ITSN2: variants seen among roughly 807,000 people sequenced by gnomAD.
ITSN2 encodes the protein intersectin-2.
A neutral mutation model predicts 243.7 loss-of-function variants in ITSN2; 156 were observed. The ratio of observed to expected loss-of-function variants is 0.64; its 90% CI spans 0.56 to 0.73. The LOEUF (loss-of-function observed/expected upper bound fraction) is 0.73, where lower values mean the gene tolerates loss of function less well. Ranked by LOEUF, ITSN2 falls within the 30% of genes least tolerant of loss-of-function variation. ITSN2 has a pLI of 0.00. For synonymous variants in ITSN2, 703 were observed against 699.9 expected (o/e 1.00, Z -0.07); for missense variants, 1,801 against 1,996.1 (o/e 0.90, Z 1.86).
At chr2:24,231,843 CTGTG>C (rs1275397898) in intron 29 of ITSN2, among the ~76,000 whole-genome samples, 1 of 152,334 alleles carries the variant, frequency 6.6e-6, no homozygotes, top group East Asian at 1.9e-4. Context: ...ATGCTATTCT[CTGTG>C]TGCCCACTTA....
chr2:24,298,885 A>G, intron 12 of ITSN2, 71 bp from the exon 13 acceptor site: 1 of 1,454,298 alleles, frequency 6.9e-7, no homozygotes, highest in African/African-American at 1.4e-5. Flanking sequence ...CTGGGAAGAC[A>G]ACAATAAAAG....
chr2:24,298,448 C>A (rs945269433), intron 13 of ITSN2, among the ~76,000 whole-genome samples: 2 of 151,950 alleles, frequency 1.3e-5, no homozygotes, highest in Admixed American at 6.6e-5. Flanking sequence ...CCACCATGCC[C>A]AGCCCACAGC....
intron 20 of ITSN2, among the ~76,000 whole-genome samples, chr2:24,264,429 G>GCTTC (rs143813059): frequency 3.6e-4 from 2 of 5,540 alleles, no homozygotes; most frequent in African/African-American, 1.2e-3. Flanking sequence ...CTATTTATTA[G>GCTTC]ATTGTCATAG....
At chr2:24,341,819 C>T (rs1413236820) in intron 1 of ITSN2, among the ~76,000 whole-genome samples, 1 of 151,918 alleles carries the variant, frequency 6.6e-6, no homozygotes, top group African/African-American at 2.4e-5. Context: ...GCACCACTGC[C>T]CTCCAGCCTG....
chr2:24,349,756 C>T (rs1300788105), intron 1 of ITSN2, among the ~76,000 whole-genome samples: 1 of 152,156 alleles, frequency 6.6e-6, no homozygotes, highest in East Asian at 1.9e-4. Context: ...CTACCTCCTC[C>T]CATTTTCTAG....
At chr2:24,271,485 A>G (rs1390070676) in intron 19 of ITSN2, among the ~76,000 whole-genome samples, 1 of 152,172 alleles carries the variant, frequency 6.6e-6, no homozygotes, top group African/African-American at 2.4e-5. Flanking sequence ...AAAATATTTA[A>G]AACTATTTTA....
In ITSN2 at chr2:24,308,418, T is replaced by G. The variant is rs75009599; in HGVS notation, c.793+199A>C. Among the ~76,000 whole-genome samples the G allele has an allele frequency of 0.016, 2,473 of 152,342 alleles. 93 individuals carry two copies. The highest frequency in any genetic ancestry group is 0.057 in the African/African-American group (2,368 of 41,566). On this transcript the variant is annotated intron_variant, in intron 8 of 39. Transcript: ENST00000355123. ...GGTGCCCGACTTGACAGTAAGAACT[T>G]TGAAGAAAGCAATCAAGTTGAATCC...
intron 1 of ITSN2, among the ~76,000 whole-genome samples, chr2:24,349,466 C>T (rs770283506): frequency 1.3e-5 from 2 of 152,052 alleles, no homozygotes; most frequent in Non-Finnish European, 2.9e-5. Context: ...CAAAATATGG[C>T]ACATAATTCT....
intron 1 of ITSN2, among the ~76,000 whole-genome samples, chr2:24,331,916 T>C (rs1685830463): frequency 6.6e-6 from 1 of 152,222 alleles, no homozygotes; most frequent in African/African-American, 2.4e-5. Flanking sequence ...GAAGACTTCA[T>C]TGGGTTTTAG....
At chr2:24,289,538 C>G (rs1679966917) in intron 15 of ITSN2, among the ~76,000 whole-genome samples, 1 of 152,334 alleles carries the variant, frequency 6.6e-6, no homozygotes, top group African/African-American at 2.4e-5. Flanking sequence ...ATCATGTCAT[C>G]TGCAGACAGG....
chr2:24,252,567 A>C, intron 24 of ITSN2, 56 bp from the exon 25 acceptor site: 4 of 1,317,978 alleles, frequency 3.0e-6, no homozygotes, highest in Non-Finnish European at 4.2e-6. Flanking sequence ...ACAGAAGTGA[A>C]AAAGAAATTA....
intron 9 of ITSN2, among the ~76,000 whole-genome samples, chr2:24,303,258 C>T (rs1416460460): frequency 6.6e-6 from 1 of 152,128 alleles, no homozygotes; most frequent in East Asian, 1.9e-4. Context: ...GACAATGGCT[C>T]CATGCGTGTT....
At chr2:24,213,834 C>T (rs1316266559) in intron 32 of ITSN2, among the ~76,000 whole-genome samples, 1 of 152,222 alleles carries the variant, frequency 6.6e-6, no homozygotes, top group Non-Finnish European at 1.5e-5. Context: ...AGGCAACTCC[C>T]TGCCTCCTAC....
chr2:24,305,038 T>G (rs942734135), intron 8 of ITSN2, among the ~76,000 whole-genome samples: 4 of 152,224 alleles, frequency 2.6e-5, no homozygotes, highest in African/African-American at 9.7e-5. Context: ...CTGTGAAACA[T>G]TCTCTCTTAT....
At chr2:24,289,067 GTT>G (rs1469065997) in intron 15 of ITSN2, among the ~76,000 whole-genome samples, 2 of 152,134 alleles carry the variant, frequency 1.3e-5, no homozygotes, top group East Asian at 3.9e-4. Flanking sequence ...TTCCAACTTT[GTT>G]TTTCTTTCTC....
Position 24,204,302 on chromosome 2 carries a change from G to C in ITSN2, c.4879C>G (p.Leu1627Val). ...NFNCQFFIKD[L>V]YQDVLCLTLF... ...GTGAGACACAGCACGTCTTGGTAGAGATCCTTAATAAAGAACTGGCAGTTA... is the reference window on the plus strand; with the variant it reads ...GTGAGACACAGCACGTCTTGGTAGACATCCTTAATAAAGAACTGGCAGTTA... Residue 1627 changes from leucine to valine, a missense_variant, in exon 39 of 40, where the codon CTC (leucine) becomes GTC (valine). Physicochemically the swap from Leu to Val is conservative, Grantham distance 32 (BLOSUM62 1). Around this residue, in one of 5 missense-constraint regions of ITSN2, gnomAD observed 928 missense variants for 1,065.4 expected, o/e 0.87. Coordinates refer to ENST00000355123, the MANE Select transcript of ITSN2 (RefSeq NM_006277.3). The surrounding 1 kb of genome is among the most constrained non-coding windows in gnomAD (Gnocchi z 5.1). 1 of 1,614,164 alleles carries C rather than the reference G, an allele frequency of 6.2e-7. No homozygotes were observed. The highest frequency in any genetic ancestry group is 1.7e-5 in the Admixed American group (1 of 60,022).
At chr2:24,256,250 A>G (rs1012841636) in intron 23 of ITSN2, among the ~76,000 whole-genome samples, 2 of 152,186 alleles carry the variant, frequency 1.3e-5, no homozygotes, top group African/African-American at 4.8e-5. Flanking sequence ...TCAATCCAAA[A>G]TTCCATGTCA....
At chr2:24,304,008 C>T in intron 8 of ITSN2, 146 bp from the exon 9 acceptor site, 4 of 636,526 alleles carry the variant, frequency 6.3e-6, no homozygotes, top group Non-Finnish European at 1.1e-5. Context: ...GTGCTAGGTG[C>T]TAAGCATTCA....
chr2:24,301,566 C>A, intron 10 of ITSN2, among the ~76,000 whole-genome samples: 1 of 150,326 alleles, frequency 6.7e-6, no homozygotes, highest in Non-Finnish European at 1.5e-5. Flanking sequence ...TGCTCTGCTG[C>A]CCAGGCTAGA....
Sources: allele counts gnomAD v4.1 joint callset (sites outside exome capture counted in the v4.1 genomes callset), GRCh38; gene constraint gnomAD v4.1.1; regional missense constraint gnomAD v4.1.1; non-coding constraint Gnocchi (gnomAD v3.1); transcripts MANE v1.5; gene names NCBI Gene and HGNC (gene_info 2026-07-23, HGNC 2026-07-21).